Variants in SLIT2 observed in about 807,000 individuals in gnomAD.
SLIT2 encodes slit guidance ligand 2.
Under a neutral mutation model 185.7 loss-of-function variants are expected in SLIT2, and 41 were observed. That is an observed-to-expected ratio of 0.22 (90% CI 0.17 to 0.29). The LOEUF is 0.29. Ranked by LOEUF, SLIT2 falls within the 10% of genes least tolerant of loss-of-function variation. The pLI is 1.00. For synonymous variants in SLIT2, 693 were observed against 680.2 expected (o/e 1.02, Z -0.29); for missense variants, 1,571 against 1,909.0 (o/e 0.82, Z 3.30).
At chr4:20,387,477 G>T (rs1410073707) in intron 4 of SLIT2, among the ~76,000 whole-genome samples, 1 of 152,094 alleles carries the variant, frequency 6.6e-6, no homozygotes, top group Non-Finnish European at 1.5e-5. Flanking sequence ...AAAGAAGACA[G>T]CTAGATTTTC....
intron 7 of SLIT2, among the ~76,000 whole-genome samples, chr4:20,486,624 C>T (rs1014736401): frequency 6.6e-6 from 1 of 151,982 alleles, no homozygotes; most frequent in South Asian, 2.1e-4. Flanking sequence ...GCAAGCAGAC[C>T]TAATAAAGCT....
In SLIT2 at chr4:20,252,344, C is replaced by G. The variant is rs1298764904; in HGVS notation, c.-1472C>G. On this transcript the variant is annotated 5_prime_UTR_variant, in exon 1 of 37. Transcript: ENST00000504154. ...AGTCCCCGCTCTGAGTCGTCGCCCT[C>G]CCTCTCCCCGACCTCGCTCCCTGGA... 2.0e-5 allele frequency among the ~76,000 whole-genome samples: 3 copies of G among 152,140 alleles called. No individual in the cohort carries two copies. The highest frequency in any genetic ancestry group is 1.5e-5 in the Non-Finnish European group (1 of 68,032).
chr4:20,548,697 C>T (rs1363877344), intron 23 of SLIT2, 138 bp downstream of exon 23: 7 of 635,864 alleles, frequency 1.1e-5, no homozygotes, highest in South Asian at 7.7e-5. Context: ...GACAAAACCA[C>T]GATACGTGAA....
chr4:20,364,023 C>CAA (rs1308379579), intron 4 of SLIT2, among the ~76,000 whole-genome samples: 2 of 152,136 alleles, frequency 1.3e-5, no homozygotes, highest in East Asian at 3.9e-4. Context: ...GTATATATGT[C>CAA]AAAAAATATC....
chr4:20,428,051 A>G (rs1728691271), intron 4 of SLIT2, among the ~76,000 whole-genome samples: 2 of 152,226 alleles, frequency 1.3e-5, no homozygotes, highest in Non-Finnish European at 2.9e-5. Flanking sequence ...CAGCAAAGAG[A>G]AAACTGAGGA....
intron 4 of SLIT2, among the ~76,000 whole-genome samples, chr4:20,298,263 A>G (rs1354383688): frequency 5.9e-5 from 9 of 151,684 alleles, no homozygotes; most frequent in Admixed American, 5.9e-4. Flanking sequence ...TAATTTTTGT[A>G]TTTTTAGTAG....
At chr4:20,589,835 C>G in intron 30 of SLIT2, 98 bp downstream of exon 30, 1 of 769,290 alleles carries the variant, frequency 1.3e-6, no homozygotes, top group Non-Finnish European at 2.3e-6. Flanking sequence ...CACCTCTGCT[C>G]AGGATTAAAG....
intron 4 of SLIT2, among the ~76,000 whole-genome samples, chr4:20,376,551 C>T (rs1303235257): frequency 6.6e-6 from 1 of 152,048 alleles, no homozygotes; most frequent in African/African-American, 2.4e-5. Context: ...TATTTTTCTA[C>T]TGCCTATTTG....
rs1042419736 is a variant in SLIT2, at chr4:20,524,255, G to A, written c.1438+78G>A. The A allele has an allele frequency of 1.9e-5, 25 of 1,334,158 alleles. No homozygotes were observed. The South Asian group carries it at 2.2e-4, about 12-fold the overall frequency. The allele number at this position is 1,334,158 out of a possible 1,614,324, so 82.6% of individuals were successfully genotyped here. A position where few individuals can be genotyped will look rare whatever the true frequency, so the allele number is the denominator to read the frequency against. The stretch of plus-strand genomic sequence containing the variant: ...GACCTAACAAAAGCAGCTGGCCTTC[G>A]GCTGATTAGTGAACACTGTAGAATC... On this transcript the variant is annotated intron_variant, in intron 14 of 36. Transcript: ENST00000504154.
chr4:20,378,216 A>C (rs2109335258), intron 4 of SLIT2, among the ~76,000 whole-genome samples: 1 of 152,314 alleles, frequency 6.6e-6, no homozygotes, highest in African/African-American at 2.4e-5. Context: ...GTTTTACAAA[A>C]GGTGACACTG....
rs564500559 is a variant in SLIT2 at position 20,472,376 on chromosome 4, C to CTATA, written c.467+4559_467+4562dup. Among the ~76,000 whole-genome samples, 35 of 9,244 alleles carry CTATA rather than the reference C, an allele frequency of 3.8e-3. 1 individual carries two copies. The highest frequency in any genetic ancestry group is 0.017 in the South Asian group (4 of 230). The allele number at this position is 9,244 out of a possible 152,430, so 6.1% of individuals were successfully genotyped here. A position where few individuals can be genotyped will look rare whatever the true frequency, so the allele number is the denominator to read the frequency against. On this transcript the variant is annotated intron_variant, in intron 5 of 36. Transcript: ENST00000504154. ...TAGATATCTATATAGATATCTATAT[C>CTATA]TATATATATGTAGATATATAGATAT...
At chr4:20,569,509 T>G (rs1393796741) in intron 29 of SLIT2, among the ~76,000 whole-genome samples, 1 of 152,090 alleles carries the variant, frequency 6.6e-6, no homozygotes, top group Non-Finnish European at 1.5e-5. Context: ...GACTATCACC[T>G]TTTTTCTAAC....
chr4:20,590,196 C>T (rs1163069487), intron 30 of SLIT2, among the ~76,000 whole-genome samples: 4 of 152,090 alleles, frequency 2.6e-5, no homozygotes, highest in Admixed American at 1.3e-4. Context: ...TGAGCCACCG[C>T]GCCCAGCCCC....
intron 4 of SLIT2, among the ~76,000 whole-genome samples, chr4:20,438,400 A>G (rs1729507204): frequency 6.6e-6 from 1 of 152,186 alleles, no homozygotes; most frequent in Admixed American, 6.5e-5. Flanking sequence ...GCCACAGGCA[A>G]AGAGAGAGTT....
chr4:20,252,958 A>G lies in SLIT2; in HGVS notation c.-858A>G, dbSNP rs1487176757. ...TCCTCGCCGGAGTGCTGACTAGTGG[A>G]TATTTCTGCCCGGCTGCGGCGGCCC... On this transcript the variant is annotated 5_prime_UTR_variant, in exon 1 of 37. Transcript: ENST00000504154. Among the ~76,000 whole-genome samples the G allele has an allele frequency of 2.6e-5, 4 of 152,074 alleles. No homozygotes were observed. The highest frequency in any genetic ancestry group is 6.5e-5 in the Admixed American group (1 of 15,278).
intron 11 of SLIT2, among the ~76,000 whole-genome samples, chr4:20,512,287 G>C (rs959970068): frequency 9.9e-5 from 15 of 152,182 alleles, no homozygotes; most frequent in Non-Finnish European, 2.2e-4. Flanking sequence ...CAACTTGCTG[G>C]CACTCTTTCC....
intron 26 of SLIT2, among the ~76,000 whole-genome samples, chr4:20,559,040 A>G (rs185779690): frequency 7.9e-5 from 12 of 152,060 alleles, no homozygotes; most frequent in African/African-American, 2.7e-4. Context: ...ATGTAATGAC[A>G]TAAGTGGACA....
At chr4:20,431,385 T>C (rs1728963448) in intron 4 of SLIT2, among the ~76,000 whole-genome samples, 1 of 151,758 alleles carries the variant, frequency 6.6e-6, no homozygotes, top group Non-Finnish European at 1.5e-5. Context: ...TTGTGTTTTA[T>C]TTTTATTTTT....
intron 4 of SLIT2, among the ~76,000 whole-genome samples, chr4:20,370,387 C>G (rs1448600560): frequency 6.6e-6 from 1 of 152,100 alleles, no homozygotes; most frequent in Non-Finnish European, 1.5e-5. Flanking sequence ...TCTGGTTAAA[C>G]AGAGAGTGTA....
Sources: allele counts gnomAD v4.1 joint callset (sites outside exome capture counted in the v4.1 genomes callset), GRCh38; gene constraint gnomAD v4.1.1; transcripts MANE v1.5; gene names NCBI Gene and HGNC (gene_info 2026-07-23, HGNC 2026-07-21).